The following SCN8A variants were observed in gnomAD, a reference collection of about 807,000 sequenced individuals.
The protein encoded by SCN8A is sodium channel protein type 8 subunit alpha.
SCN8A carries 30 observed loss-of-function variants against 184.1 expected under a neutral mutation model. The observed-to-expected ratio is 0.16, with a 90% CI of 0.12 to 0.22. The LOEUF is 0.22. Among genes scored for constraint, SCN8A ranks in the 10% least tolerant of loss-of-function variants. SCN8A has a pLI of 1.00. For synonymous variants in SCN8A, 852 were observed against 907.0 expected (o/e 0.94, Z 1.09); for missense variants, 1,057 against 2,498.9 (o/e 0.42, Z 12.30).
chr12:51,786,186 A>G (rs1280543560), intron 21 of SCN8A, among the ~76,000 whole-genome samples: 2 of 152,208 alleles, frequency 1.3e-5, no homozygotes, highest in East Asian at 1.9e-4. Context: ...GCAAGCTGAA[A>G]GTTACTCATA....
At chr12:51,592,976 T>A (rs1939263957) in intron 1 of SCN8A, among the ~76,000 whole-genome samples, 1 of 152,112 alleles carries the variant, frequency 6.6e-6, no homozygotes, top group African/African-American at 2.4e-5. Context: ...TTTTTTTTGA[T>A]TTGTGATGCA....
chr12:51,700,894 A>G (rs1941676344), intron 7 of SCN8A, among the ~76,000 whole-genome samples: 1 of 152,220 alleles, frequency 6.6e-6, no homozygotes, highest in African/African-American at 2.4e-5. Context: ...GATTTGAAGT[A>G]TGAATGGAAG....
chr12:51,742,193 T>C (rs1942437550), intron 12 of SCN8A, among the ~76,000 whole-genome samples: 1 of 152,256 alleles, frequency 6.6e-6, no homozygotes, highest in Admixed American at 6.5e-5. Context: ...TGGCTTATCA[T>C]AACACTGTAA....
intron 14 of SCN8A, among the ~76,000 whole-genome samples, chr12:51,759,266 G>A (rs11834301): frequency 0.022 from 3,335 of 151,852 alleles, 109 homozygotes; most frequent in African/African-American, 0.073. Context: ...CTAGGTTTGT[G>A]TAAGTACACT....
chr12:51,777,560 G>A (rs1937743508), intron 20 of SCN8A, among the ~76,000 whole-genome samples: 1 of 152,190 alleles, frequency 6.6e-6, no homozygotes, highest in East Asian at 1.9e-4. Context: ...CAGAGACTCA[G>A]AGGATTATAA....
intron 1 of SCN8A, among the ~76,000 whole-genome samples, chr12:51,646,451 T>C (rs1940592051): frequency 6.6e-6 from 1 of 152,200 alleles, no homozygotes; most frequent in Non-Finnish European, 1.5e-5. Flanking sequence ...GATTTGAAGA[T>C]GGATGGTGCC....
At chr12:51,685,549 C>T (rs973002012) in intron 3 of SCN8A, among the ~76,000 whole-genome samples, 4 of 152,190 alleles carry the variant, frequency 2.6e-5, no homozygotes, top group Non-Finnish European at 5.9e-5. Context: ...GTATGGTTTG[C>T]TATCCATAAA....
At chr12:51,756,394 C>T (rs536011982) in intron 14 of SCN8A, among the ~76,000 whole-genome samples, 3 of 152,314 alleles carry the variant, frequency 2.0e-5, no homozygotes, top group African/African-American at 7.2e-5. Context: ...ACATGAGTCC[C>T]TCATCAGCTC....
Position 51,712,776 on chromosome 12 carries a change from A to G in SCN8A, c.1635+6061A>G, listed in dbSNP as rs1941901651. The G allele has an allele frequency of 1.2e-5, 14 of 1,189,542 alleles. No homozygotes were observed. The South Asian group carries it at 1.7e-4, about 14-fold the overall frequency. 73.7% of individuals were successfully genotyped at this position (1,189,542 alleles called of 1,614,324 possible). ...TACTACTATAACCAGGACCACCAGC[A>G]TAGTTGCCACCGTCACTTCCAAATC... On this transcript the variant is annotated intron_variant, in intron 11 of 26. Coordinates refer to ENST00000627620, the MANE Select transcript of SCN8A (RefSeq NM_001330260.2).
At chr12:51,661,703 T>G (rs533576125) in intron 1 of SCN8A, among the ~76,000 whole-genome samples, 20 of 152,314 alleles carry the variant, frequency 1.3e-4, no homozygotes, top group African/African-American at 3.6e-4. Flanking sequence ...CCCAATGAAC[T>G]GCCAGCAAAG....
rs112798062 is a variant in SCN8A, at chr12:51,716,277, C to T, written c.1636-5269C>T. ...GGCTGAGGTGAGAGGATCACTTGAGCCCAGGAGGTTGAGGCTGCAGTGAGT... is the reference window on the plus strand; with the variant it reads ...GGCTGAGGTGAGAGGATCACTTGAGTCCAGGAGGTTGAGGCTGCAGTGAGT... On this transcript the variant is annotated intron_variant, in intron 11 of 26. Transcript: ENST00000627620. Among the ~76,000 whole-genome samples, 1,292 of 152,276 alleles carry T rather than the reference C, an allele frequency of 8.5e-3. 19 individuals are homozygous for T. The highest frequency in any genetic ancestry group is 0.027 in the African/African-American group (1,142 of 41,544).
Position 51,591,333 on chromosome 12 carries a change from G to A in SCN8A, c.-81G>A. The A allele has an allele frequency of 6.4e-6, 1 of 155,652 alleles. No homozygotes were observed. The highest frequency in any genetic ancestry group is 1.4e-5 in the Non-Finnish European group (1 of 70,242). The allele number at this position is 155,652 out of a possible 1,614,324, so 9.6% of individuals were successfully genotyped here. A position where few individuals can be genotyped will look rare whatever the true frequency, so the allele number is the denominator to read the frequency against. ...TCCCGGGCCCCGCGTTAGGGCCGCCGCTGCCTCCCTCGCCGCCGCCGCTGC... is the reference window on the plus strand; with the variant it reads ...TCCCGGGCCCCGCGTTAGGGCCGCCACTGCCTCCCTCGCCGCCGCCGCTGC... On this transcript the variant is annotated 5_prime_UTR_variant, in exon 1 of 27. Transcript: ENST00000627620.
At chr12:51,704,916 A>C (rs541210144) in intron 9 of SCN8A, among the ~76,000 whole-genome samples, 17 of 152,158 alleles carry the variant, frequency 1.1e-4, no homozygotes, top group Non-Finnish European at 2.1e-4. Flanking sequence ...CAGAGGTTGC[A>C]GTGAGCCAAG....
intron 14 of SCN8A, 150 bp from the exon 15 acceptor site, chr12:51,762,353 A>AT (rs1273518293): frequency 1.8e-5 from 13 of 723,318 alleles, no homozygotes; most frequent in Non-Finnish European, 2.3e-6. Context: ...TGGGGTGCTC[A>AT]TGAGACATCC....
intron 22 of SCN8A, among the ~76,000 whole-genome samples, chr12:51,787,685 G>T (rs1020418554): frequency 6.6e-6 from 1 of 152,128 alleles, no homozygotes; most frequent in Non-Finnish European, 1.5e-5. Flanking sequence ...AAGTATTTTT[G>T]TTACTATATT....
At position 51,598,680 on chromosome 12, in the gene SCN8A, G is replaced by T. The variant is rs142727861; in HGVS notation, c.-55+7321G>T. Among the ~76,000 whole-genome samples, 135 of 152,222 alleles carry T rather than the reference G, an allele frequency of 8.9e-4. 2 individuals are homozygous for T. Among genetic ancestry groups the T allele is most frequent in the Non-Finnish European group, 5.9e-5 (4 of 67,988 alleles). The stretch of plus-strand genomic sequence containing the variant: ...CAAAAATCAAAAAGTTCGAAGTTAA[G>T]TCTTCTTTTACTGTCTCCCAGTCAT... On this transcript the variant is annotated intron_variant, in intron 1 of 26. Transcript: ENST00000627620.
chr12:51,722,051 C>T (rs954129270), intron 12 of SCN8A, 143 bp downstream of exon 12: 42 of 1,298,490 alleles, frequency 3.2e-5, no homozygotes, highest in Admixed American at 1.2e-4. Context: ...GACCCCACTC[C>T]TGTTAACACC....
At chr12:51,770,057 G>A (rs1302447943) in intron 18 of SCN8A, 72 bp downstream of exon 18, 2 of 1,087,646 alleles carry the variant, frequency 1.8e-6, no homozygotes, top group Non-Finnish European at 2.7e-6. Flanking sequence ...GCCAGGGCTA[G>A]TGGTGGGTGA....
At chr12:51,759,293 A>G (rs193270925) in intron 14 of SCN8A, among the ~76,000 whole-genome samples, 1 of 152,148 alleles carries the variant, frequency 6.6e-6, no homozygotes, top group East Asian at 1.9e-4. Flanking sequence ...TGTTTACACA[A>G]TGACTAAATT....
Sources: gnomAD v4.1 joint callset for allele counts (sites outside exome capture counted in the v4.1 genomes callset) on GRCh38, gnomAD v4.1.1 for gene constraint, MANE v1.5 for transcripts, NCBI Gene and HGNC (gene_info 2026-07-23, HGNC 2026-07-21) for gene names.